Variants in ADGRF3 observed in about 807,000 individuals in gnomAD.
ADGRF3 encodes the protein adhesion G protein-coupled receptor F3, also known as G protein-coupled receptor 113.
ADGRF3 carries 85 observed loss-of-function variants against 93.2 expected under a neutral mutation model. The observed-to-expected ratio is 0.91, with a 90% CI of 0.77 to 1.09. The LOEUF (loss-of-function observed/expected upper bound fraction) is 1.09, where lower values mean the gene tolerates loss of function less well. Ranked by LOEUF, ADGRF3 falls within the 50% of genes least tolerant of loss-of-function variation. ADGRF3 has a pLI of 0.00. For synonymous variants in ADGRF3, 534 were observed against 532.5 expected (o/e 1.00, Z -0.04); for missense variants, 1,125 against 1,246.2 (o/e 0.90, Z 1.46).
intron 1 of ADGRF3, chr2:26,318,727 A>G (rs887562382): frequency 1.3e-4 from 78 of 594,916 alleles, no homozygotes; most frequent in Non-Finnish European, 8.8e-5. Context: ...AGCAGGTATC[A>G]TATGAGTTTA....
chr2:26,318,865 C>T (rs1674928854), intron 1 of ADGRF3: 2 of 1,536,790 alleles, frequency 1.3e-6, no homozygotes, highest in Non-Finnish European at 1.8e-6. Context: ...AGCCCTTTCC[C>T]CACTACCTAT....
intron 13 of ADGRF3, 102 bp from the exon 14 acceptor site, chr2:26,309,209 C>A (rs747568160): frequency 6.2e-7 from 1 of 1,612,924 alleles, no homozygotes; most frequent in Non-Finnish European, 8.5e-7. Context: ...CCCTTCAAGG[C>A]GTGACTCTCA....
At chr2:26,319,607 C>CTTCA (rs1304388430) in intron 1 of ADGRF3, among the ~76,000 whole-genome samples, 2 of 68,908 alleles carry the variant, frequency 2.9e-5, no homozygotes, top group Non-Finnish European at 6.9e-5. Flanking sequence ...TCCTTCCTTC[C>CTTCA]TTCCTTCCTT....
At chr2:26,319,251 G>A (rs72851597) in intron 1 of ADGRF3, 254 of 562,258 alleles carry the variant, frequency 4.5e-4, no homozygotes, top group African/African-American at 4.3e-3. Context: ...ATGCCCCAGT[G>A]AGAATGGTGC....
chr2:26,324,205 C>G (rs568127079), intron 1 of ADGRF3, among the ~76,000 whole-genome samples: 1 of 152,130 alleles, frequency 6.6e-6, no homozygotes, highest in Admixed American at 6.5e-5. Flanking sequence ...GAGCTGTGAT[C>G]GTGCCACTGC....
intron 1 of ADGRF3, among the ~76,000 whole-genome samples, chr2:26,331,688 C>T (rs745789001): frequency 2.6e-5 from 4 of 152,142 alleles, no homozygotes; most frequent in East Asian, 1.9e-4. Context: ...TATGATTGTG[C>T]GCTGTACTGC....
intron 1 of ADGRF3, chr2:26,318,053 C>T: frequency 6.4e-7 from 1 of 1,551,642 alleles, no homozygotes; most frequent in Non-Finnish European, 8.7e-7. Flanking sequence ...TCTGGGCCCA[C>T]ATTGTCTGGC....
At chr2:26,339,004 T>C (rs775403972) in intron 1 of ADGRF3, among the ~76,000 whole-genome samples, 6 of 147,914 alleles carry the variant, frequency 4.1e-5, no homozygotes, top group Non-Finnish European at 1.5e-5. Flanking sequence ...TGTGCACCTG[T>C]AGTCACAGGC....
intron 1 of ADGRF3, among the ~76,000 whole-genome samples, chr2:26,336,328 G>GTGTGTGTGTGTGTA (rs1285072740): frequency 6.6e-6 from 1 of 151,808 alleles, no homozygotes; most frequent in Non-Finnish European, 1.5e-5. Flanking sequence ...GTGTGTGTGT[G>GTGTGTGTGTGTGTA]TGTGTGTGAG....
intron 1 of ADGRF3, among the ~76,000 whole-genome samples, chr2:26,334,475 T>C (rs1675932308): frequency 6.6e-6 from 1 of 152,140 alleles, no homozygotes; most frequent in East Asian, 1.9e-4. Flanking sequence ...TTAATTCACA[T>C]CCTCCTGATT....
At chr2:26,334,999 C>T (rs537372528) in intron 1 of ADGRF3, among the ~76,000 whole-genome samples, 6 of 152,278 alleles carry the variant, frequency 3.9e-5, no homozygotes, top group South Asian at 4.1e-4. Flanking sequence ...TCCTCCCTCA[C>T]GATGTGCTTT....
At position 26,311,026 on chromosome 2, in the gene ADGRF3, G is replaced by T; in HGVS notation, c.2498C>A (p.Thr833Asn). Reference sequence around the variant, plus strand: ...CCCTTGAGGTAGGTAGAGCCCCAGGGTGACACCTGCCAACCCCAGTGGGCA... The same window carrying T: ...CCCTTGAGGTAGGTAGAGCCCCAGGTTGACACCTGCCAACCCCAGTGGGCA... ...YLCPLGLAGV[T>N]LGLYLPQGQY... Residue 833 changes from threonine (T) to asparagine (N), a missense_variant, in exon 10 of 14, where the codon ACC (threonine) becomes AAC (asparagine). Transcript: ENST00000651242. 6.2e-7 allele frequency: 1 copy of T among 1,612,122 alleles called. No homozygotes were observed. Among genetic ancestry groups the T allele is most frequent in the Non-Finnish European group, 8.5e-7 (1 of 1,179,182 alleles).
At chr2:26,320,787 A>G (rs1411582150) in intron 1 of ADGRF3, among the ~76,000 whole-genome samples, 1 of 152,224 alleles carries the variant, frequency 6.6e-6, no homozygotes, top group Non-Finnish European at 1.5e-5. Flanking sequence ...TCCAAGCAAC[A>G]CATTACTTAA....
chr2:26,337,284 T>C (rs1391177786), intron 1 of ADGRF3, among the ~76,000 whole-genome samples: 3 of 152,232 alleles, frequency 2.0e-5, no homozygotes, highest in Non-Finnish European at 4.4e-5. Flanking sequence ...GAAGCAACAT[T>C]GTGTGGTATT....
In ADGRF3 at chr2:26,322,282, C is replaced by CAA. The variant is rs60338868; in HGVS notation, c.115-4722_115-4721dup. Among the ~76,000 whole-genome samples, 50 of 76,742 alleles carry CAA rather than the reference C, an allele frequency of 6.5e-4. 1 individual carries two copies. Among genetic ancestry groups the CAA allele is most frequent in the Middle Eastern group, 8.2e-3 (1 of 122 alleles). The allele number at this position is 76,742 out of a possible 152,430, so 50.3% of individuals were successfully genotyped here. A position where few individuals can be genotyped will look rare whatever the true frequency, so the allele number is the denominator to read the frequency against. On this transcript the variant is annotated intron_variant, in intron 1 of 13. Coordinates refer to ENST00000651242, the MANE Select transcript of ADGRF3 (RefSeq NM_001321971.2). The stretch of plus-strand genomic sequence containing the variant: ...TGGGCGACAGAGCAAGAATCTGTCT[C>CAA]AAAAAAAAAAAAAAAAAGAGAAAAG...
In ADGRF3 at chr2:26,313,365, T is replaced by C. The variant is rs1400044014; in HGVS notation, c.1269+12A>G. The C allele has an allele frequency of 1.3e-6, 2 of 1,565,040 alleles. No homozygotes were observed. Among genetic ancestry groups the C allele is most frequent in the South Asian group, 1.2e-5 (1 of 83,164 alleles). ...TGGAGGGGGCACGTGGGCAGCAGGG[T>C]GGAAGCTTCACCTTGGTTCTAGTGA... On this transcript the variant is annotated intron_variant, in intron 8 of 13. Coordinates refer to ENST00000651242, the MANE Select transcript of ADGRF3 (RefSeq NM_001321971.2).
chr2:26,330,218 G>GACCT (rs1005346925), intron 1 of ADGRF3, among the ~76,000 whole-genome samples: 40 of 152,302 alleles, frequency 2.6e-4, no homozygotes, highest in Middle Eastern at 3.4e-3. Context: ...GCCGGCCCGG[G>GACCT]ACCTGCGTGA....
intron 1 of ADGRF3, among the ~76,000 whole-genome samples, chr2:26,324,415 G>A (rs543645427): frequency 4.6e-5 from 7 of 152,126 alleles, no homozygotes; most frequent in Admixed American, 2.0e-4. Context: ...GAGTCATGGA[G>A]GTTTGTTGTA....
At chr2:26,330,857 TG>T (rs1474075381) in intron 1 of ADGRF3, among the ~76,000 whole-genome samples, 15 of 152,232 alleles carry the variant, frequency 9.9e-5, no homozygotes, top group African/African-American at 3.1e-4. Flanking sequence ...TGTTGAATTC[TG>T]GACTTCTTCC....
Sources: gnomAD v4.1 joint callset for allele counts (sites outside exome capture counted in the v4.1 genomes callset) on GRCh38, gnomAD v4.1.1 for gene constraint, MANE v1.5 for transcripts, NCBI Gene and HGNC (gene_info 2026-07-23, HGNC 2026-07-21) for gene names.